The following RALGPS1 variants were observed in gnomAD, a reference collection of about 807,000 sequenced individuals.
The protein encoded by RALGPS1 is Ral GEF with PH domain and SH3 binding motif 1, also known as ras-specific guanine nucleotide-releasing factor RalGPS1.
Under a neutral mutation model 78.8 loss-of-function variants are expected in RALGPS1, and 19 were observed. The observed-to-expected ratio is 0.24, with a 90% CI of 0.17 to 0.35. The LOEUF is 0.35. Among genes scored for constraint, RALGPS1 ranks in the 10% least tolerant of loss-of-function variants. The pLI is 1.00. For synonymous variants in RALGPS1, 228 were observed against 256.3 expected, an observed-to-expected ratio of 0.89 and a Z score of 1.06; for missense variants, 454 against 688.3, an observed-to-expected ratio of 0.66 and a Z score of 3.81.
chr9:127,067,370 G>A lies in RALGPS1; in HGVS notation c.484-1860G>A, dbSNP rs569875170. Among the ~76,000 whole-genome samples the A allele has an allele frequency of 4.6e-5, 7 of 152,264 alleles. No homozygotes were observed. In the South Asian group the frequency reaches 6.2e-4, roughly 14 times the overall value. On this transcript the variant is annotated intron_variant, in intron 7 of 18. Transcript: ENST00000259351. Reference sequence around the variant, plus strand: ...GCATATTCTTCTGCCTCTCCTTACCGAAGTTCGTAAGCTATCACTGCTCCT... The same window carrying A: ...GCATATTCTTCTGCCTCTCCTTACCAAAGTTCGTAAGCTATCACTGCTCCT...
intron 8 of RALGPS1, among the ~76,000 whole-genome samples, chr9:127,070,896 T>C (rs2050135876): frequency 6.6e-6 from 1 of 151,702 alleles, no homozygotes; most frequent in African/African-American, 2.4e-5. Context: ...TTAATTCTTT[T>C]AAAGCCAACT....
chr9:126,987,195 G>A (rs2041881875), intron 4 of RALGPS1, among the ~76,000 whole-genome samples: 1 of 152,082 alleles, frequency 6.6e-6, no homozygotes, highest in African/African-American at 2.4e-5. Flanking sequence ...TGGATAGCTG[G>A]GAGGCTGAGG....
At chr9:127,074,483 C>T (rs564754192) in intron 8 of RALGPS1, among the ~76,000 whole-genome samples, 2 of 152,294 alleles carry the variant, frequency 1.3e-5, no homozygotes, top group African/African-American at 4.8e-5. Context: ...AGTCCATTTC[C>T]ATCACACCTG....
At chr9:127,078,766 C>T (rs1251710334) in intron 8 of RALGPS1, among the ~76,000 whole-genome samples, 1 of 152,194 alleles carries the variant, frequency 6.6e-6, no homozygotes, top group Non-Finnish European at 1.5e-5. Flanking sequence ...AAAGTGTTTT[C>T]ATGGTAGGAA....
intron 8 of RALGPS1, among the ~76,000 whole-genome samples, chr9:127,141,660 T>C (rs1588136929): frequency 6.6e-6 from 1 of 150,654 alleles, no homozygotes; most frequent in African/African-American, 2.4e-5. Context: ...AAACTGTCCT[T>C]ATCATTTCCT....
At chr9:126,958,544 T>G (rs1302089366) in intron 1 of RALGPS1, among the ~76,000 whole-genome samples, 1 of 152,204 alleles carries the variant, frequency 6.6e-6, no homozygotes, top group Non-Finnish European at 1.5e-5. Context: ...TCTGTCTTCT[T>G]TCCCCGAGCA....
intron 11 of RALGPS1, among the ~76,000 whole-genome samples, chr9:127,189,618 ATGATACAAGT>A: frequency 6.6e-6 from 1 of 152,322 alleles, no homozygotes; most frequent in East Asian, 1.9e-4. Context: ...GCAGACACAA[ATGATACAAGT>A]TGGGTGGTTG....
intron 8 of RALGPS1, among the ~76,000 whole-genome samples, chr9:127,134,010 C>CCT (rs1554839729): frequency 3.3e-5 from 5 of 151,014 alleles, no homozygotes; most frequent in Non-Finnish European, 7.4e-5. Context: ...CCTCGCTCCC[C>CCT]CCCCCGTGAA....
intron 8 of RALGPS1, among the ~76,000 whole-genome samples, chr9:127,100,453 C>T (rs948318793): frequency 2.6e-5 from 4 of 152,188 alleles, no homozygotes; most frequent in Admixed American, 2.0e-4. Flanking sequence ...TAGGTTTCCA[C>T]CAGCGCTGTT....
At position 127,212,604 on chromosome 9, in the gene RALGPS1, C is replaced by T. The variant is rs2062337687; in HGVS notation, c.1354-23C>T. On this transcript the variant is annotated intron_variant, in intron 15 of 18. Transcript: ENST00000259351. The surrounding 1 kb of genome is among the most constrained non-coding windows in gnomAD (Gnocchi z 6.0). ...ACCCCCACGACCCCTGGTGGCATCA[C>T]TCAGCCTCCCCTTCCTCTGTAGCTG... 2 of 1,562,316 alleles carry T rather than the reference C, an allele frequency of 1.3e-6. No homozygotes were observed. Among genetic ancestry groups the T allele is most frequent in the African/African-American group, 1.4e-5 (1 of 73,322 alleles).
At chr9:127,060,243 G>A (rs1321578740) in intron 7 of RALGPS1, among the ~76,000 whole-genome samples, 1 of 152,080 alleles carries the variant, frequency 6.6e-6, no homozygotes, top group East Asian at 1.9e-4. Context: ...GAGCATGAGT[G>A]GAAAAACTCA....
chr9:127,084,367 C>T (rs1050684509), intron 8 of RALGPS1, among the ~76,000 whole-genome samples: 2 of 152,284 alleles, frequency 1.3e-5, no homozygotes, highest in South Asian at 4.1e-4. Flanking sequence ...ACTCAGAGCT[C>T]GTGCTCCCTC....
At chr9:127,094,313 A>G (rs1184811279) in intron 8 of RALGPS1, among the ~76,000 whole-genome samples, 1 of 152,144 alleles carries the variant, frequency 6.6e-6, no homozygotes, top group East Asian at 1.9e-4. Context: ...CGTGTTCATT[A>G]TATTAGGAAA....
intron 7 of RALGPS1, 133 bp downstream of exon 7, chr9:127,053,072 G>A: frequency 1.5e-6 from 1 of 669,962 alleles, no homozygotes. Context: ...GTTGATGACA[G>A]TTCTGTAGGC....
chr9:126,919,707 A>G (rs1159984974), intron 1 of RALGPS1, among the ~76,000 whole-genome samples: 1 of 152,208 alleles, frequency 6.6e-6, no homozygotes, highest in Non-Finnish European at 1.5e-5. Flanking sequence ...CTATGTTATT[A>G]ATAATCTGAA....
intron 1 of RALGPS1, among the ~76,000 whole-genome samples, chr9:126,918,027 G>A (rs1271694108): frequency 1.3e-5 from 2 of 152,186 alleles, no homozygotes; most frequent in East Asian, 1.9e-4. Context: ...GGTGCTCACC[G>A]AATGCTTGTT....
intron 1 of RALGPS1, among the ~76,000 whole-genome samples, chr9:126,936,533 A>T (rs559216196): frequency 2.7e-3 from 400 of 148,964 alleles, no homozygotes; most frequent in African/African-American, 3.5e-3. Context: ...TTTATTTATT[A>T]TTTTTTTTTT....
In RALGPS1 at chr9:127,183,675, T is replaced by C. The variant is rs541753268; in HGVS notation, c.910+8893T>C. Among the ~76,000 whole-genome samples, 4 of 151,904 alleles carry C rather than the reference T, an allele frequency of 2.6e-5. No homozygotes were observed. The East Asian group carries it at 5.8e-4, about 22-fold the overall frequency. ...GAGACTCCGCCTGACTATGTGTGAG[T>C]AGAAAAAGAGAACAGCCAGGGGCAA... On this transcript the variant is annotated intron_variant, in intron 11 of 18. Coordinates refer to ENST00000259351, the MANE Select transcript of RALGPS1 (RefSeq NM_014636.3). The surrounding 1 kb of genome is among the most constrained non-coding windows in gnomAD (Gnocchi z 4.0).
At chr9:127,163,746 G>C (rs953462811) in intron 8 of RALGPS1, among the ~76,000 whole-genome samples, 3 of 152,188 alleles carry the variant, frequency 2.0e-5, no homozygotes, top group Admixed American at 6.5e-5. Flanking sequence ...AAAATAGCTT[G>C]TTAGAAGGAT....
Sources: allele counts gnomAD v4.1 joint callset (sites outside exome capture counted in the v4.1 genomes callset), GRCh38; gene constraint gnomAD v4.1.1; non-coding constraint Gnocchi (gnomAD v3.1); transcripts MANE v1.5; gene names NCBI Gene and HGNC (gene_info 2026-07-23, HGNC 2026-07-21).